Variants in MAPT observed in about 807,000 individuals in gnomAD.
MAPT encodes the protein microtubule associated protein tau.
In MAPT, 34 loss-of-function variants were observed where a neutral mutation model predicts 67.9. The observed-to-expected ratio is 0.50, with a 90% CI of 0.38 to 0.67. The LOEUF (loss-of-function observed/expected upper bound fraction) is 0.67, where lower values mean the gene tolerates loss of function less well. Ranked by LOEUF, MAPT falls within the 30% of genes least tolerant of loss-of-function variation. The pLI is 0.00. For synonymous variants in MAPT, 456 were observed against 464.5 expected (o/e 0.98, Z 0.23); for missense variants, 881 against 1,115.2 (o/e 0.79, Z 2.99).
At chr17:45,895,832 ACCGGGTGG>A (rs2063165506) in intron 1 of MAPT, 1 of 152,020 alleles carries the variant, frequency 6.6e-6, no homozygotes, top group South Asian at 2.1e-4. Context: ...GCCATGCCAA[ACCGGGTGG>A]CCGGGCTTCA....
intron 1 of MAPT, among the ~76,000 whole-genome samples, chr17:45,946,059 C>T (rs1248345513): frequency 6.6e-6 from 1 of 151,940 alleles, no homozygotes; most frequent in Non-Finnish European, 1.5e-5. Context: ...TTCTCTCCAG[C>T]CCCTACTACT....
Position 45,983,564 on chromosome 17 carries a change from A to C in MAPT, c.985A>C (p.Thr329Pro). 1.2e-6 allele frequency: 2 copies of C among 1,613,018 alleles called. No homozygotes were observed. Among genetic ancestry groups the C allele is most frequent in the Non-Finnish European group, 8.5e-7 (1 of 1,179,920 alleles). Residue 329 changes from threonine to proline, a missense_variant, in exon 5 of 13, where the codon ACC (threonine) becomes CCC (proline). Transcript: ENST00000262410. ...TCCCCAGACAGCCGCCAGAGAAGCC[A>C]CCAGCATCCCAGGCTTCCCAGCGGA... is the stretch of plus-strand genomic sequence containing the variant. ...RPPQTAAREA[T>P]SIPGFPAEGA...
At chr17:46,023,249 C>T (rs775713183) in intron 12 of MAPT, among the ~76,000 whole-genome samples, 3 of 152,186 alleles carry the variant, frequency 2.0e-5, no homozygotes, top group Non-Finnish European at 2.9e-5. Context: ...GATGTTCATA[C>T]GGGTTTATTT....
intron 1 of MAPT, among the ~76,000 whole-genome samples, chr17:45,899,890 G>T (rs1202724870): frequency 6.6e-6 from 1 of 152,176 alleles, no homozygotes; most frequent in Non-Finnish European, 1.5e-5. Flanking sequence ...TTTCTGGACT[G>T]CTCTGCCATA....
chr17:45,964,201 T>TG (rs1555698044), intron 2 of MAPT, among the ~76,000 whole-genome samples: 2 of 152,088 alleles, frequency 1.3e-5, no homozygotes, highest in Non-Finnish European at 2.9e-5. Flanking sequence ...GTTTTGTTTT[T>TG]TTTTGTTTTG....
At chr17:45,898,299 T>G (rs2063397704) in intron 1 of MAPT, 1 of 152,238 alleles carries the variant, frequency 6.6e-6, no homozygotes, top group African/African-American at 2.4e-5. Context: ...GGGCGTGACT[T>G]TTAAGTGGTT....
chr17:45,999,858 TTGTC>T (rs2074849450), intron 9 of MAPT, among the ~76,000 whole-genome samples: 2 of 151,986 alleles, frequency 1.3e-5, no homozygotes, highest in African/African-American at 4.8e-5. Context: ...CCTAGAAAAA[TTGTC>T]TGAAACTAAA....
chr17:45,983,640 T>C lies in MAPT; in HGVS notation c.1061T>C (p.Ile354Thr). ...VDFLSKVSTEIPASEPDGPSV... is the reference protein window; with the variant it reads ...VDFLSKVSTETPASEPDGPSV... Reference sequence around the variant, plus strand: ...TTCCTCTCCAAAGTTTCCACAGAGATCCCAGCCTCAGAGCCCGACGGGCCC... The same window carrying C: ...TTCCTCTCCAAAGTTTCCACAGAGACCCCAGCCTCAGAGCCCGACGGGCCC... The change falls in exon 5 of 13, where the codon ATC (isoleucine) becomes ACC (threonine). Residue 354 changes from isoleucine to threonine, a missense_variant. Coordinates refer to ENST00000262410, the MANE Select transcript of MAPT (RefSeq NM_001377265.1). 1 of 1,613,770 alleles carries C rather than the reference T, an allele frequency of 6.2e-7. No homozygotes were observed. The highest frequency in any genetic ancestry group is 8.5e-7 in the Non-Finnish European group (1 of 1,180,004).
At chr17:46,013,759 G>A (rs2075980989) in intron 10 of MAPT, among the ~76,000 whole-genome samples, 1 of 152,112 alleles carries the variant, frequency 6.6e-6, no homozygotes, top group Non-Finnish European at 1.5e-5. Flanking sequence ...CCTCTTTGAG[G>A]CCCAGCAGAT....
At chr17:45,935,271 C>A (rs1176454215) in intron 1 of MAPT, among the ~76,000 whole-genome samples, 1 of 152,086 alleles carries the variant, frequency 6.6e-6, no homozygotes, top group African/African-American at 2.4e-5. Context: ...GCTCTCTTCC[C>A]TCCTCCCCTC....
rs1253602010 is a variant in MAPT at position 46,018,694 on chromosome 17, C to T, written c.2250C>T (p.Asp750=). The part of the protein sequence containing the change: ...DRVQSKIGSL[D]NITHVPGGGN... ...TCCAGTCGAAGATTGGGTCCCTGGA[C>T]AATATCACCCACGTCCCTGGCGGAG... The change falls in exon 12 of 13, where the codon GAC becomes GAT. Residue 750 remains aspartate, a synonymous_variant. Coordinates refer to ENST00000262410, the MANE Select transcript of MAPT (RefSeq NM_001377265.1). 2 of 1,614,086 alleles carry T rather than the reference C, an allele frequency of 1.2e-6. No individual in the cohort carries two copies. The highest frequency in any genetic ancestry group is 8.5e-7 in the Non-Finnish European group (1 of 1,179,962).
intron 12 of MAPT, among the ~76,000 whole-genome samples, chr17:46,023,137 C>T (rs940952406): frequency 8.5e-5 from 13 of 152,194 alleles, no homozygotes; most frequent in African/African-American, 3.1e-4. Context: ...CTTCTCCTTC[C>T]ACATTTTCCT....
Position 46,025,217 on chromosome 17 carries a change from C to T in MAPT, c.*1046C>T, listed in dbSNP as rs2076754695. 1 of 152,766 alleles carries T rather than the reference C, an allele frequency of 6.5e-6. No homozygotes were observed. The highest frequency in any genetic ancestry group is 6.5e-5 in the Admixed American group (1 of 15,290). The allele number at this position is 152,766 out of a possible 1,614,324, so 9.5% of individuals were successfully genotyped here. A position where few individuals can be genotyped will look rare whatever the true frequency, so the allele number is the denominator to read the frequency against. ...CTTGTGCCTCTTGGGAGACGTCCAC[C>T]CGTTTCCAAGCCTGGGCCACTGGCA... On this transcript the variant is annotated 3_prime_UTR_variant, in exon 13 of 13. Transcript: ENST00000262410.
intron 1 of MAPT, among the ~76,000 whole-genome samples, chr17:45,932,707 GA>G (rs796085971): frequency 6.6e-5 from 10 of 151,720 alleles, no homozygotes; most frequent in Non-Finnish European, 8.8e-5. Flanking sequence ...CTTCTGTGGA[GA>G]AAAAAAAGTT....
chr17:45,949,139 C>T (rs2068799457), intron 1 of MAPT, among the ~76,000 whole-genome samples: 1 of 152,276 alleles, frequency 6.6e-6, no homozygotes, highest in Admixed American at 6.5e-5. Context: ...ATAAGGAGGA[C>T]CACGCTTTCC....
In MAPT at chr17:46,019,523, T is replaced by G. The variant is rs1179604751; in HGVS notation, c.2286+793T>G. ...CTGGAACTACAGGTACCTGCCACTA[T>G]GCCTGGCTAAATATTTTGTATTTCC... On this transcript the variant is annotated intron_variant, in intron 12 of 12. Transcript: ENST00000262410. 2.0e-5 allele frequency among the ~76,000 whole-genome samples: 3 copies of G among 152,044 alleles called. No individual in the cohort carries two copies. The East Asian group carries it at 5.8e-4, about 30-fold the overall frequency.
At chr17:45,923,276 G>A (rs944205226) in intron 1 of MAPT, among the ~76,000 whole-genome samples, 5 of 152,156 alleles carry the variant, frequency 3.3e-5, no homozygotes, top group Admixed American at 2.6e-4. Flanking sequence ...TGCCTTCCAG[G>A]AGCCTTTGAG....
rs1482837667 is a variant in MAPT, at chr17:46,010,284, C to T, written c.1999-26C>T. On this transcript the variant is annotated intron_variant, in intron 9 of 12. Transcript: ENST00000262410. This position sits in a 1 kb window ranked among gnomAD's most constrained non-coding sequence, Gnocchi z 4.7. ...CAGGCGGGTCCAGGGTGGCGTGTCA[C>T]TCATCCTTTTTTCTGGCTACCAAAG... The T allele has an allele frequency of 1.3e-6, 2 of 1,509,162 alleles. No individual in the cohort carries two copies. The highest frequency in any genetic ancestry group is 1.8e-6 in the Non-Finnish European group (2 of 1,107,788). The allele number at this position is 1,509,162 out of a possible 1,614,324, so 93.5% of individuals were successfully genotyped here.
At chr17:45,981,836 G>A (rs1030402413) in intron 4 of MAPT, among the ~76,000 whole-genome samples, 5 of 151,906 alleles carry the variant, frequency 3.3e-5, no homozygotes, top group African/African-American at 1.2e-4. Flanking sequence ...GCAACATAAG[G>A]AGACCCCGTC....
Sources: gnomAD v4.1 joint callset for allele counts (sites outside exome capture counted in the v4.1 genomes callset) on GRCh38, gnomAD v4.1.1 for gene constraint, Gnocchi (gnomAD v3.1) non-coding constraint, MANE v1.5 for transcripts, NCBI Gene and HGNC (gene_info 2026-07-23, HGNC 2026-07-21) for gene names.